FBXL13: variants seen among roughly 807,000 people sequenced by gnomAD.
FBXL13 encodes F-box and leucine rich repeat protein 13.
Under a neutral mutation model 83.6 loss-of-function variants are expected in FBXL13, and 67 were observed. That is an observed-to-expected ratio of 0.80 (90% CI 0.66 to 0.98). FBXL13 has a LOEUF of 0.98. Ranked by LOEUF, FBXL13 falls within the 50% of genes least tolerant of loss-of-function variation. The pLI is 0.00. For synonymous variants in FBXL13, 272 were observed against 299.5 expected (o/e 0.91, Z 0.95); for missense variants, 822 against 866.5 (o/e 0.95, Z 0.64).
At chr7:102,933,050 C>T (rs1819527523) in intron 8 of FBXL13, 1 of 152,198 alleles carries the variant, frequency 6.6e-6, no homozygotes, top group Admixed American at 6.5e-5. Context: ...ACCATATCTA[C>T]TTTGACAGAT....
intron 11 of FBXL13, among the ~76,000 whole-genome samples, chr7:102,911,797 A>G (rs1344109339): frequency 6.6e-6 from 1 of 152,236 alleles, no homozygotes; most frequent in African/African-American, 2.4e-5. Flanking sequence ...GAGAACGTCA[A>G]TGCCATCTCA....
chr7:102,966,731 T>A (rs1005937591), intron 7 of FBXL13, among the ~76,000 whole-genome samples: 1 of 152,246 alleles, frequency 6.6e-6, no homozygotes, highest in African/African-American at 2.4e-5. Flanking sequence ...CTTTTGTGAG[T>A]GTTCACATGT....
intron 19 of FBXL13, 112 bp downstream of exon 20, chr7:102,821,928 A>G: frequency 8.3e-7 from 1 of 1,198,758 alleles, no homozygotes; most frequent in East Asian, 2.4e-5. Flanking sequence ...ATAAAATGAA[A>G]TGAAACTTCC....
At position 102,878,461 on chromosome 7, in the gene FBXL13, G is replaced by A; in HGVS notation, c.1389-11C>T. The A allele has an allele frequency of 6.4e-7, 1 of 1,559,838 alleles. No homozygotes were observed. Among genetic ancestry groups the A allele is most frequent in the Non-Finnish European group, 8.6e-7 (1 of 1,157,822 alleles). ...CCCATATCACCAATTCTGTAGGAAAGAGAGAAAAATTTTACATGTGATTCT... is the reference window on the plus strand; with the variant it reads ...CCCATATCACCAATTCTGTAGGAAAAAGAGAAAAATTTTACATGTGATTCT... On this transcript the variant is annotated splice_polypyrimidine_tract_variant and intron_variant, in intron 14 of 19. Coordinates refer to ENST00000313221, the Ensembl canonical transcript of FBXL13.
intron 16 of FBXL13, among the ~76,000 whole-genome samples, chr7:102,876,703 C>G (rs1355169078): frequency 6.6e-6 from 1 of 152,010 alleles, no homozygotes; most frequent in Non-Finnish European, 1.5e-5. Context: ...CCCTCATAGA[C>G]AGTTGATATT....
At chr7:103,028,524 G>T in intron 4 of FBXL13, 76 bp downstream of exon 5, 1 of 1,049,468 alleles carries the variant, frequency 9.5e-7, no homozygotes, top group Non-Finnish European at 1.3e-6. Context: ...AGTACCCAAA[G>T]TATGCTTAAC....
intron 2 of FBXL13, among the ~76,000 whole-genome samples, chr7:103,050,457 A>G (rs1256549403): frequency 2.6e-5 from 4 of 152,184 alleles, no homozygotes; most frequent in Non-Finnish European, 4.4e-5. Context: ...AAACATAGAC[A>G]TTAGCCACTC....
At chr7:102,984,135 C>G (rs1235035103) in intron 6 of FBXL13, among the ~76,000 whole-genome samples, 1 of 152,014 alleles carries the variant, frequency 6.6e-6, no homozygotes, top group Non-Finnish European at 1.5e-5. Flanking sequence ...CAGATAACAC[C>G]GTGAAACATC....
intron 8 of FBXL13, 82 bp from the exon 10 acceptor site, chr7:102,932,015 T>C (rs1819274541): frequency 5.5e-6 from 7 of 1,281,352 alleles, no homozygotes; most frequent in South Asian, 1.3e-5. Flanking sequence ...TTGAATGCAA[T>C]GTATTCATTA....
At chr7:102,852,031 C>G (rs1039075196) in intron 17 of FBXL13, among the ~76,000 whole-genome samples, 1 of 152,082 alleles carries the variant, frequency 6.6e-6, no homozygotes, top group African/African-American at 2.4e-5. Flanking sequence ...CAAACTCCCC[C>G]AACTTTCATG....
At chr7:102,822,489 A>G (rs1798938532) in intron 18 of FBXL13, 1 of 549,096 alleles carries the variant, frequency 1.8e-6, no homozygotes, top group Non-Finnish European at 3.5e-6. Context: ...GTCTTCTTAT[A>G]TGGTCATAAT....
chr7:102,881,919 A>G (rs1810149098), intron 14 of FBXL13, among the ~76,000 whole-genome samples: 1 of 152,136 alleles, frequency 6.6e-6, no homozygotes, highest in East Asian at 1.9e-4. Flanking sequence ...CCAGCTCCCA[A>G]TGACCCATGC....
chr7:102,816,090 C>T (rs1457030968), intron 19 of FBXL13: 1 of 152,138 alleles, frequency 6.6e-6, no homozygotes, highest in African/African-American at 2.4e-5. Context: ...TTCCTTAGTC[C>T]CTGTCCCCCT....
chr7:102,858,949 T>TA (rs1351235354), intron 16 of FBXL13, among the ~76,000 whole-genome samples: 1 of 152,168 alleles, frequency 6.6e-6, no homozygotes, highest in African/African-American at 2.4e-5. Flanking sequence ...ACAAACATAC[T>TA]AAAAACCACT....
At chr7:102,937,949 G>A (rs1381866069) in intron 8 of FBXL13, among the ~76,000 whole-genome samples, 2 of 152,210 alleles carry the variant, frequency 1.3e-5, no homozygotes, top group African/African-American at 2.4e-5. Flanking sequence ...GTCAGATGGT[G>A]TGTATAGGGG....
In FBXL13 at chr7:102,892,431, C is replaced by T. The variant is rs189281061; in HGVS notation, c.1009-8119G>A. 5.3e-5 allele frequency among the ~76,000 whole-genome samples: 8 copies of T among 151,952 alleles called. 1 individual carries two copies. In the South Asian group the frequency reaches 6.2e-4, roughly 12 times the overall value. ...ACAACCATTTAAATTTATATAAGTC[C>T]GATTTACAAGATATATAAAAATGTT... is the stretch of plus-strand genomic sequence containing the variant. On this transcript the variant is annotated intron_variant, in intron 11 of 19. Transcript: ENST00000313221.
intron 1 of FBXL13, among the ~76,000 whole-genome samples, chr7:103,061,288 A>C (rs1217400080): frequency 6.6e-6 from 1 of 152,150 alleles, no homozygotes; most frequent in African/African-American, 2.4e-5. Flanking sequence ...GAGTGAGACA[A>C]AGGACTCTGA....
intron 6 of FBXL13, among the ~76,000 whole-genome samples, chr7:102,977,968 G>A (rs1460236897): frequency 6.6e-6 from 1 of 152,030 alleles, no homozygotes; most frequent in African/African-American, 2.4e-5. Context: ...GAGAGGGGAC[G>A]GATAGCATTA....
At chr7:102,851,046 A>G (rs1263967588) in intron 17 of FBXL13, among the ~76,000 whole-genome samples, 2 of 152,208 alleles carry the variant, frequency 1.3e-5, no homozygotes, top group East Asian at 3.8e-4. Context: ...CATTTTCATA[A>G]AACTGTTACT....
Sources: gnomAD v4.1 joint callset for allele counts (sites outside exome capture counted in the v4.1 genomes callset) on GRCh38, gnomAD v4.1.1 for gene constraint, MANE v1.5 for transcripts, NCBI Gene and HGNC (gene_info 2026-07-23, HGNC 2026-07-21) for gene names.